The following NXPH1 variants were observed in gnomAD, a reference collection of about 807,000 sequenced individuals.
The protein encoded by NXPH1 is neurexophilin-1.
In NXPH1, 5 loss-of-function variants were observed where a neutral mutation model predicts 23.7. That is an observed-to-expected ratio of 0.21 (90% CI 0.11 to 0.44). The LOEUF (loss-of-function observed/expected upper bound fraction) is 0.44. NXPH1 is among the 20% of genes least tolerant of loss of function. The pLI, the probability that NXPH1 is intolerant of heterozygous loss-of-function variation, is 0.99. For synonymous variants in NXPH1, 144 were observed against 122.2 expected, an observed-to-expected ratio of 1.18 and a Z score of -1.18; for missense variants, 324 against 321.6, an observed-to-expected ratio of 1.01 and a Z score of -0.06.
At chr7:8,523,703 C>T (rs375905912) in intron 2 of NXPH1, among the ~76,000 whole-genome samples, 1 of 152,172 alleles carries the variant, frequency 6.6e-6, no homozygotes, top group South Asian at 2.1e-4. Context: ...ATACAACAAA[C>T]ATTTGTTCCA....
At chr7:8,459,089 AT>A (rs369440813) in intron 2 of NXPH1, among the ~76,000 whole-genome samples, 7,578 of 148,988 alleles carry the variant, frequency 0.051, 260 homozygotes, top group African/African-American at 0.09. Flanking sequence ...TTTTTCCTTG[AT>A]TTTTTTTTTC....
intron 2 of NXPH1, among the ~76,000 whole-genome samples, chr7:8,726,805 T>C (rs1321800055): frequency 6.6e-6 from 1 of 151,242 alleles, no homozygotes. Flanking sequence ...TACGTGTGCA[T>C]GTGTCTTTAT....
At chr7:8,519,767 AC>A (rs1318469598) in intron 2 of NXPH1, among the ~76,000 whole-genome samples, 1 of 152,204 alleles carries the variant, frequency 6.6e-6, no homozygotes, top group Non-Finnish European at 1.5e-5. Flanking sequence ...AAGAAGGCAA[AC>A]AAAAGCTTAT....
Position 8,442,172 on chromosome 7 carries a change from C to G in NXPH1, c.54+6405C>G, listed in dbSNP as rs921015409. Among the ~76,000 whole-genome samples the G allele has an allele frequency of 3.3e-5, 5 of 152,120 alleles. No individual in the cohort carries two copies. The highest frequency in any genetic ancestry group is 9.7e-5 in the African/African-American group (4 of 41,418). On this transcript the variant is annotated intron_variant, in intron 2 of 2. Transcript: ENST00000405863. The surrounding 1 kb of genome is among the most constrained non-coding windows in gnomAD (Gnocchi z 4.6). ...TATAAATTAATGAGGGTATTTTACT[C>G]GTTCAAGCCGGAAATACGATGGGGA...
chr7:8,465,612 C>T (rs774672577), intron 2 of NXPH1, among the ~76,000 whole-genome samples: 38 of 152,202 alleles, frequency 2.5e-4, no homozygotes, highest in African/African-American at 9.7e-5. Context: ...TTTTCACGGT[C>T]GCTTTCCAGC....
intron 2 of NXPH1, among the ~76,000 whole-genome samples, chr7:8,725,804 A>T (rs1478683005): frequency 2.0e-5 from 3 of 151,198 alleles, no homozygotes; most frequent in South Asian, 2.1e-4. Context: ...ATCTTTACCT[A>T]TTTTTTTTTA....
chr7:8,440,030 A>G (rs1816270149), intron 2 of NXPH1, among the ~76,000 whole-genome samples: 2 of 152,238 alleles, frequency 1.3e-5, no homozygotes, highest in African/African-American at 4.8e-5. Context: ...TCTTGGAGGC[A>G]GTACTAAAAG....
At chr7:8,491,645 C>T (rs1318539436) in intron 2 of NXPH1, among the ~76,000 whole-genome samples, 6 of 152,098 alleles carry the variant, frequency 3.9e-5, no homozygotes, top group Admixed American at 1.3e-4. Context: ...AAAGGGCTAT[C>T]GTTTAGGCTG....
chr7:8,696,312 C>G (rs146498550), intron 2 of NXPH1, among the ~76,000 whole-genome samples: 21 of 152,308 alleles, frequency 1.4e-4, no homozygotes, highest in African/African-American at 5.1e-4. Context: ...CCTGAATTCA[C>G]TCTAATGACT....
chr7:8,589,145 T>G (rs1321727403), intron 2 of NXPH1, among the ~76,000 whole-genome samples: 1 of 152,136 alleles, frequency 6.6e-6, no homozygotes, highest in African/African-American at 2.4e-5. Flanking sequence ...TAAAATATTT[T>G]TCCTCTGCTC....
intron 2 of NXPH1, among the ~76,000 whole-genome samples, chr7:8,628,708 T>C (rs1215309881): frequency 4.6e-5 from 7 of 152,078 alleles, no homozygotes; most frequent in Non-Finnish European, 1.0e-4. Flanking sequence ...AAAAGCCTGA[T>C]GTATTTGAAA....
chr7:8,533,836 G>A (rs184748767), intron 2 of NXPH1, among the ~76,000 whole-genome samples: 6 of 152,196 alleles, frequency 3.9e-5, no homozygotes, highest in Non-Finnish European at 7.4e-5. Flanking sequence ...CAATATTTTG[G>A]TGTCAAGGGG....
At chr7:8,679,984 G>A (rs2115175813) in intron 2 of NXPH1, among the ~76,000 whole-genome samples, 1 of 152,380 alleles carries the variant, frequency 6.6e-6, no homozygotes, top group East Asian at 1.9e-4. Flanking sequence ...TTGTGCCATT[G>A]CACTCCAGAC....
intron 2 of NXPH1, among the ~76,000 whole-genome samples, chr7:8,556,340 G>A (rs1418458025): frequency 1.3e-5 from 2 of 151,708 alleles, no homozygotes; most frequent in Non-Finnish European, 3.0e-5. Flanking sequence ...TGCTGTGTGT[G>A]ATGTTAGCTG....
chr7:8,683,785 A>T (rs1821096870), intron 2 of NXPH1, among the ~76,000 whole-genome samples: 1 of 152,178 alleles, frequency 6.6e-6, no homozygotes, highest in Admixed American at 6.5e-5. Flanking sequence ...GACACATATT[A>T]TGTTCAAGAC....
chr7:8,565,359 T>C (rs1475032482), intron 2 of NXPH1, among the ~76,000 whole-genome samples: 1 of 151,844 alleles, frequency 6.6e-6, no homozygotes, highest in East Asian at 1.9e-4. Context: ...GATCTTAGTA[T>C]TTTTAAAGCC....
chr7:8,647,181 A>C (rs1197379498), intron 2 of NXPH1, among the ~76,000 whole-genome samples: 2 of 152,220 alleles, frequency 1.3e-5, no homozygotes, highest in Non-Finnish European at 2.9e-5. Flanking sequence ...GAGAAACTCA[A>C]GCAGATGCAC....
At chr7:8,524,785 C>G (rs377319257) in intron 2 of NXPH1, among the ~76,000 whole-genome samples, 7 of 152,166 alleles carry the variant, frequency 4.6e-5, no homozygotes, top group Non-Finnish European at 1.0e-4. Context: ...TTTTCTCTTG[C>G]TGCCACCATG....
chr7:8,624,419 T>A (rs912023997), intron 2 of NXPH1, among the ~76,000 whole-genome samples: 2 of 152,038 alleles, frequency 1.3e-5, no homozygotes, highest in Non-Finnish European at 2.9e-5. Context: ...CAGATGGCAG[T>A]CGAAATCATG....
Sources: allele counts gnomAD v4.1 joint callset (sites outside exome capture counted in the v4.1 genomes callset), GRCh38; gene constraint gnomAD v4.1.1; non-coding constraint Gnocchi (gnomAD v3.1); transcripts MANE v1.5; gene names NCBI Gene and HGNC (gene_info 2026-07-23, HGNC 2026-07-21).